The following INHBC variants were observed in gnomAD, a reference collection of about 807,000 sequenced individuals.
The protein encoded by INHBC is inhibin subunit beta C.
In INHBC, 10 loss-of-function variants were observed where a neutral mutation model predicts 12.4. That is an observed-to-expected ratio of 0.81 (90% confidence interval 0.50 to 1.37). The LOEUF is 1.37. Ranked by LOEUF, INHBC falls within the 40% of genes most tolerant of loss-of-function variation. The pLI, the probability that INHBC is intolerant of heterozygous loss-of-function variation, is 0.00. For missense variants in INHBC, 382 were observed against 439.4 expected, an observed-to-expected ratio of 0.87 and a Z score of 1.17; for synonymous variants, 147 against 171.6, an observed-to-expected ratio of 0.86 and a Z score of 1.12.
At position 57,451,916 on chromosome 12, in the gene INHBC, T is replaced by TG. The variant is rs1018535673; in HGVS notation, c.*1901dup. On this transcript the variant is annotated 3_prime_UTR_variant, in exon 2 of 2. Transcript: ENST00000309668. ...GGTAAAGCAAAGTGAGTCATTCACC[T>TG]GGGGGGGCTAAATTTTAAGGGGGTG... 8.5e-5 allele frequency: 38 copies of TG among 444,650 alleles called. No individual in the cohort carries two copies. The East Asian group carries it at 1.5e-3, about 17-fold the overall frequency. The allele number at this position is 444,650 out of a possible 1,614,324, so 27.5% of individuals were successfully genotyped here. A position where few individuals can be genotyped will look rare whatever the true frequency, so the allele number is the denominator to read the frequency against.
At chr12:57,439,965 C>T (rs905342073) in intron 1 of INHBC, among the ~76,000 whole-genome samples, 1 of 152,190 alleles carries the variant, frequency 6.6e-6, no homozygotes, top group Non-Finnish European at 1.5e-5. Context: ...CCTGCTTCAG[C>T]GTCCTGAGTA....
intron 1 of INHBC, among the ~76,000 whole-genome samples, chr12:57,441,124 C>T (rs554721565): frequency 2.0e-5 from 3 of 152,134 alleles, no homozygotes; most frequent in South Asian, 4.2e-4. Context: ...GAGGCCAAAA[C>T]GGGTGGATCA....
intron 1 of INHBC, among the ~76,000 whole-genome samples, chr12:57,439,552 T>A (rs912054511): frequency 5.3e-5 from 8 of 152,226 alleles, no homozygotes; most frequent in African/African-American, 1.9e-4. Flanking sequence ...AGACCCCTTT[T>A]TATTTTGAAT....
At chr12:57,446,634 A>G (rs1301466153) in intron 1 of INHBC, among the ~76,000 whole-genome samples, 1 of 151,838 alleles carries the variant, frequency 6.6e-6, no homozygotes, top group Non-Finnish European at 1.5e-5. Flanking sequence ...AGCTGGGACT[A>G]CAGGTGTACA....
chr12:57,449,317 C>T lies in INHBC; in HGVS notation c.354C>T (p.Phe118=). 1.9e-6 allele frequency: 3 copies of T among 1,614,162 alleles called. No individual in the cohort carries two copies. The highest frequency in any genetic ancestry group is 2.5e-6 in the Non-Finnish European group (3 of 1,179,996). The change falls in exon 2 of 2, where the codon TTC becomes TTT. Residue 118 remains phenylalanine (F), a synonymous_variant. Coordinates refer to ENST00000309668, the MANE Select transcript of INHBC (RefSeq NM_005538.4). ...ACCAGACTCGTCTTGATTTTCACTT[C>T]TCCTCTGATAGAACTGCTGGTGACA... The part of the protein sequence containing the change: ...TINQTRLDFH[F]SSDRTAGDRE...
At chr12:57,437,396 G>A (rs573811367) in intron 1 of INHBC, among the ~76,000 whole-genome samples, 3 of 152,108 alleles carry the variant, frequency 2.0e-5, no homozygotes, top group Non-Finnish European at 4.4e-5. Flanking sequence ...AAGGCCGGGC[G>A]CGGTGGCTCA....
chr12:57,442,432 G>A (rs1420699757), intron 1 of INHBC, among the ~76,000 whole-genome samples: 1 of 152,192 alleles, frequency 6.6e-6, no homozygotes, highest in Non-Finnish European at 1.5e-5. Context: ...TAACTATAGG[G>A]TGCTTTGTGA....
intron 1 of INHBC, among the ~76,000 whole-genome samples, chr12:57,440,424 C>T (rs1870439372): frequency 6.6e-6 from 1 of 150,398 alleles, no homozygotes; most frequent in African/African-American, 2.4e-5. Flanking sequence ...CCTCTGCCTC[C>T]CGGGTTCAAG....
Position 57,449,923 on chromosome 12 carries a change from G to A in INHBC, c.960G>A (p.Thr320=), listed in dbSNP as rs756022986. The change falls in exon 2 of 2, where the codon ACG becomes ACA. Residue 320 remains threonine, a synonymous_variant. Transcript: ENST00000309668. ...TTGGGSCCVP[T]ARRPLSLLYY... ...GAGGGGGCTCATGCTGTGTACCCAC[G>A]GCCCGGCGCCCCCTGTCTCTGCTCT... 8 of 1,595,804 alleles carry A rather than the reference G, an allele frequency of 5.0e-6. No homozygotes were observed. The highest frequency in any genetic ancestry group is 4.5e-5 in the South Asian group (4 of 88,578).
intron 1 of INHBC, among the ~76,000 whole-genome samples, chr12:57,444,753 A>ACT (rs2139833672): frequency 6.6e-6 from 1 of 152,164 alleles, no homozygotes; most frequent in African/African-American, 2.4e-5. Context: ...ATCTTGGCTC[A>ACT]TTGCAGCTTT....
intron 1 of INHBC, among the ~76,000 whole-genome samples, chr12:57,438,065 C>T (rs1382530966): frequency 6.6e-6 from 1 of 152,122 alleles, no homozygotes; most frequent in African/African-American, 2.4e-5. Flanking sequence ...GGATTACAGG[C>T]GTGAGCCACT....
At chr12:57,445,308 C>A (rs1426469351) in intron 1 of INHBC, among the ~76,000 whole-genome samples, 1 of 152,176 alleles carries the variant, frequency 6.6e-6, no homozygotes, top group African/African-American at 2.4e-5. Flanking sequence ...ATAAAAAGAT[C>A]ACTGGCTGAT....
intron 1 of INHBC, among the ~76,000 whole-genome samples, chr12:57,442,144 T>G (rs879377235): frequency 1.3e-5 from 2 of 152,198 alleles, no homozygotes; most frequent in Non-Finnish European, 2.9e-5. Flanking sequence ...TGACTTCTCC[T>G]AATTTAGTAG....
intron 1 of INHBC, among the ~76,000 whole-genome samples, chr12:57,447,892 AATAT>A (rs1241342566): frequency 8.0e-3 from 160 of 19,880 alleles, no homozygotes; most frequent in East Asian, 0.021. Flanking sequence ...AAAAAAAAAA[AATAT>A]ATATATATAT....
At chr12:57,443,636 G>A (rs1301664453) in intron 1 of INHBC, among the ~76,000 whole-genome samples, 1 of 152,096 alleles carries the variant, frequency 6.6e-6, no homozygotes, top group Non-Finnish European at 1.5e-5. Context: ...AAATTACAAT[G>A]GGTATTTAAC....
At position 57,434,981 on chromosome 12, in the gene INHBC, C is replaced by T; in HGVS notation, c.95C>T (p.Pro32Leu). Reference sequence around the variant, plus strand: ...GGTCAGTGTCCAGCATGTGGGGGGCCCACCTTGGAACTGGAGAGCCAGCGG... The same window carrying T: ...GGTCAGTGTCCAGCATGTGGGGGGCTCACCTTGGAACTGGAGAGCCAGCGG... ...AGGQCPACGG[P>L]TLELESQREL... Residue 32 changes from proline (P) to leucine (L), a missense_variant, in exon 1 of 2, where the codon CCC becomes CTC. Transcript: ENST00000309668. The T allele has an allele frequency of 6.2e-7, 1 of 1,614,192 alleles. No individual in the cohort carries two copies. The highest frequency in any genetic ancestry group is 8.5e-7 in the Non-Finnish European group (1 of 1,180,036).
chr12:57,440,657 T>A (rs909143452), intron 1 of INHBC, among the ~76,000 whole-genome samples: 1 of 152,098 alleles, frequency 6.6e-6, no homozygotes, highest in African/African-American at 2.4e-5. Flanking sequence ...TTCATCTCTC[T>A]CCCGAAATGC....
intron 1 of INHBC, among the ~76,000 whole-genome samples, chr12:57,444,951 C>T (rs934821538): frequency 7.2e-5 from 11 of 152,124 alleles, no homozygotes; most frequent in African/African-American, 2.4e-5. Context: ...CATAGTGCTG[C>T]GATTACAGGC....
intron 1 of INHBC, among the ~76,000 whole-genome samples, chr12:57,446,693 C>G (rs984561919): frequency 1.3e-5 from 2 of 151,786 alleles, no homozygotes; most frequent in African/African-American, 4.8e-5. Flanking sequence ...AGGGTTTTGC[C>G]AAGTTGTCCA....
Sources: gnomAD v4.1 joint callset for allele counts (sites outside exome capture counted in the v4.1 genomes callset) on GRCh38, gnomAD v4.1.1 for gene constraint, MANE v1.5 for transcripts, NCBI Gene and HGNC (gene_info 2026-07-23, HGNC 2026-07-21) for gene names.